Variants in COL10A1 observed in about 807,000 individuals in gnomAD.
COL10A1 encodes collagen type X alpha 1 chain, also known as collagen alpha-1(X) chain.
In COL10A1, 10 loss-of-function variants were observed where a neutral mutation model predicts 18.2. The observed-to-expected ratio is 0.55, with a 90% CI of 0.34 to 0.93. COL10A1 has a LOEUF of 0.93. Ranked by LOEUF, COL10A1 falls within the 40% of genes least tolerant of loss-of-function variation. The pLI, the probability that COL10A1 is intolerant of heterozygous loss-of-function variation, is 0.02. For missense variants in COL10A1, 897 were observed against 853.5 expected (o/e 1.05, Z -0.64); for synonymous variants, 330 against 316.6 (o/e 1.04, Z -0.45).
At chr6:116,167,350 C>G in the COL10A1 span, among the ~76,000 whole-genome samples, 1 of 151,448 alleles carries the variant, frequency 6.6e-6, no homozygotes, top group Non-Finnish European at 1.5e-5. Context: ...GTAATTGGGA[C>G]TACAGGCATG....
At chr6:116,201,870 A>G in the COL10A1 span, among the ~76,000 whole-genome samples, 3 of 152,036 alleles carry the variant, frequency 2.0e-5, no homozygotes, top group Non-Finnish European at 2.9e-5. Context: ...TTCTGGACCA[A>G]ATCATGTTTG....
intron 1 of COL10A1, among the ~76,000 whole-genome samples, chr6:116,155,901 C>CA (rs1780180829): frequency 1.3e-5 from 2 of 151,324 alleles, no homozygotes; most frequent in East Asian, 3.9e-4. Context: ...AGTGTTTATA[C>CA]AAAAAAACAA....
chr6:116,127,430 C>G (rs879269617), upstream of COL10A1, among the ~76,000 whole-genome samples: 1 of 151,888 alleles, frequency 6.6e-6, no homozygotes, highest in African/African-American at 2.4e-5. Flanking sequence ...CTGTATAATA[C>G]TCATAGATAC....
At chr6:116,210,858 G>A in the COL10A1 span, among the ~76,000 whole-genome samples, 1 of 151,990 alleles carries the variant, frequency 6.6e-6, no homozygotes, top group Non-Finnish European at 1.5e-5. Flanking sequence ...GATATGAACA[G>A]AAAATATACT....
At chr6:116,161,923 G>A, upstream of COL10A1, among the ~76,000 whole-genome samples, 1 of 151,926 alleles carries the variant, frequency 6.6e-6, no homozygotes, top group Non-Finnish European at 1.5e-5. Context: ...ATTCTCCTTT[G>A]TATTTCACCA....
intron 1 of COL10A1, among the ~76,000 whole-genome samples, chr6:116,143,482 G>A (rs897512923): frequency 2.6e-5 from 4 of 152,162 alleles, no homozygotes; most frequent in Non-Finnish European, 5.9e-5. Flanking sequence ...AAATTGCTGG[G>A]ATTACAGGCT....
the COL10A1 span, among the ~76,000 whole-genome samples, chr6:116,207,465 G>C: frequency 3.2e-4 from 49 of 151,776 alleles, no homozygotes; most frequent in South Asian, 8.3e-4. Flanking sequence ...TTATTTTTCA[G>C]ATTTTTTTTC....
the COL10A1 span, among the ~76,000 whole-genome samples, chr6:116,195,186 A>G: frequency 6.6e-6 from 1 of 152,112 alleles, no homozygotes; most frequent in Non-Finnish European, 1.5e-5. Flanking sequence ...TCTATAAAAT[A>G]AAACATACTG....
the COL10A1 span, among the ~76,000 whole-genome samples, chr6:116,201,031 G>T: frequency 1.3e-5 from 2 of 151,962 alleles, no homozygotes; most frequent in Non-Finnish European, 2.9e-5. Flanking sequence ...GCACCCCACA[G>T]CACCAACTTG....
At chr6:116,135,924 A>G (rs372527358) in intron 1 of COL10A1, among the ~76,000 whole-genome samples, 9 of 149,632 alleles carry the variant, frequency 6.0e-5, no homozygotes, top group East Asian at 1.9e-4. Flanking sequence ...GCTAATTAAC[A>G]TATCCATTAC....
chr6:116,124,048 A>G (rs980876784), intron 2 of COL10A1, among the ~76,000 whole-genome samples: 12 of 151,944 alleles, frequency 7.9e-5, no homozygotes, highest in Non-Finnish European at 1.5e-4. Flanking sequence ...TTTTTTCTTT[A>G]CTAGCCTTTA....
the COL10A1 span, among the ~76,000 whole-genome samples, chr6:116,201,590 G>C: frequency 6.6e-6 from 1 of 151,990 alleles, no homozygotes; most frequent in East Asian, 1.9e-4. Flanking sequence ...TAAAAGTCTT[G>C]GTTAATATAA....
upstream of COL10A1, among the ~76,000 whole-genome samples, chr6:116,130,212 G>A (rs915513524): frequency 3.9e-5 from 6 of 152,112 alleles, no homozygotes; most frequent in Non-Finnish European, 7.4e-5. Context: ...AAAAGCAGGA[G>A]AAATGCCTTT....
intron 1 of COL10A1, among the ~76,000 whole-genome samples, chr6:116,152,692 CT>C (rs1780076501): frequency 6.6e-6 from 1 of 152,090 alleles, no homozygotes; most frequent in African/African-American, 2.4e-5. Flanking sequence ...ATCTTCTCTT[CT>C]TTTTTCCTCC....
upstream of COL10A1, among the ~76,000 whole-genome samples, chr6:116,126,374 A>G (rs190215479): frequency 7.0e-4 from 106 of 152,108 alleles, no homozygotes; most frequent in Non-Finnish European, 1.3e-3. Context: ...CTGTGATTCT[A>G]TTTTATTAAT....
chr6:116,166,154 C>T, the COL10A1 span, among the ~76,000 whole-genome samples: 10 of 152,116 alleles, frequency 6.6e-5, no homozygotes, highest in South Asian at 6.2e-4. Flanking sequence ...CAGAGGTTCT[C>T]GGGAGTCAAT....
rs564561468 is a variant in COL10A1, at chr6:116,122,992, G to T, written c.155-1031C>A. 2.6e-5 allele frequency among the ~76,000 whole-genome samples: 4 copies of T among 152,238 alleles called. No individual in the cohort carries two copies. The South Asian group carries it at 6.2e-4, about 24-fold the overall frequency. On this transcript the variant is annotated intron_variant, in intron 2 of 2. Coordinates refer to ENST00000651968, the MANE Select transcript of COL10A1 (RefSeq NM_000493.4). Reference sequence around the variant, plus strand: ...TTCATTGATTGTAGTGTACATACATGATTATATTATGTATAAGTGGATATT... The same window carrying T: ...TTCATTGATTGTAGTGTACATACATTATTATATTATGTATAAGTGGATATT...
chr6:116,193,546 A>T, the COL10A1 span, among the ~76,000 whole-genome samples: 2 of 152,092 alleles, frequency 1.3e-5, no homozygotes, highest in African/African-American at 4.8e-5. Context: ...TTGAGAGAAT[A>T]AAATAATATA....
At chr6:116,176,737 A>G in the COL10A1 span, among the ~76,000 whole-genome samples, 1 of 152,136 alleles carries the variant, frequency 6.6e-6, no homozygotes, top group Admixed American at 6.5e-5. Context: ...CTTTTGTTTC[A>G]TTAGCATGAA....
Sources: gnomAD v4.1 joint callset for allele counts (sites outside exome capture counted in the v4.1 genomes callset) on GRCh38, gnomAD v4.1.1 for gene constraint, MANE v1.5 for transcripts, NCBI Gene and HGNC (gene_info 2026-07-23, HGNC 2026-07-21) for gene names.